BMP2K: variants seen among roughly 807,000 people sequenced by gnomAD.
BMP2K encodes BMP-2-inducible protein kinase.
BMP2K carries 74 observed loss-of-function variants against 116.0 expected under a neutral mutation model. The ratio of observed to expected loss-of-function variants is 0.64; its 90% CI spans 0.53 to 0.77. The LOEUF (loss-of-function observed/expected upper bound fraction) is 0.77, where lower values mean the gene tolerates loss of function less well. Among genes scored for constraint, BMP2K ranks in the 30% least tolerant of loss-of-function variants. The probability of loss-of-function intolerance (pLI) is 0.00; values close to 1 mark genes in which losing one functional copy is unlikely to be tolerated. For missense variants in BMP2K, 1,365 were observed against 1,403.6 expected, an observed-to-expected ratio of 0.97 and a Z score of 0.44; for synonymous variants, 486 against 502.5, an observed-to-expected ratio of 0.97 and a Z score of 0.44.
intron 10 of BMP2K, among the ~76,000 whole-genome samples, chr4:78,866,444 C>T (rs1189449224): frequency 6.6e-6 from 1 of 151,964 alleles, no homozygotes; most frequent in Non-Finnish European, 1.5e-5. Flanking sequence ...GTCTCACGAA[C>T]CTGATTTGAG....
At chr4:78,808,182 G>A (rs1044722159) in intron 1 of BMP2K, among the ~76,000 whole-genome samples, 5 of 150,764 alleles carry the variant, frequency 3.3e-5, no homozygotes, top group Admixed American at 2.0e-4. Flanking sequence ...AGCCTCCCGC[G>A]TAGCTGGGAC....
At chr4:78,785,225 C>T (rs1051982638) in intron 1 of BMP2K, among the ~76,000 whole-genome samples, 14 of 152,142 alleles carry the variant, frequency 9.2e-5, no homozygotes, top group Non-Finnish European at 2.1e-4. Flanking sequence ...ATTCTCCTGC[C>T]TCAGCCTCCC....
intron 1 of BMP2K, among the ~76,000 whole-genome samples, chr4:78,780,741 A>T (rs1727465385): frequency 6.6e-6 from 1 of 152,218 alleles, no homozygotes; most frequent in South Asian, 2.1e-4. Context: ...GTAGAGGACA[A>T]TAGTGGAGGT....
chr4:78,915,256 G>GA lies in BMP2K; in HGVS notation c.*3227dup, dbSNP rs1734944314. On this transcript the variant is annotated 3_prime_UTR_variant, in exon 16 of 16. Transcript: ENST00000502613. ...ATAGACTGTTGTCCTCTTGCTGGTGGAAAATCTAAGGTGGAGCCCACTCTT... is the reference window on the plus strand; with the variant it reads ...ATAGACTGTTGTCCTCTTGCTGGTGGAAAAATCTAAGGTGGAGCCCACTCTT... The GA allele has an allele frequency of 6.6e-6, 1 of 151,912 alleles. No homozygotes were observed. The highest frequency in any genetic ancestry group is 6.6e-5 in the Admixed American group (1 of 15,210). 9.4% of individuals were successfully genotyped at this position (151,912 alleles called of 1,614,324 possible). A position where few individuals can be genotyped will look rare whatever the true frequency, so the allele number is the denominator to read the frequency against.
At chr4:78,850,013 G>A (rs1277475209) in intron 6 of BMP2K, among the ~76,000 whole-genome samples, 1 of 151,544 alleles carries the variant, frequency 6.6e-6, no homozygotes, top group Admixed American at 6.6e-5. Context: ...GCCAAGTTTC[G>A]GTATTGCTGA....
chr4:78,793,139 C>T (rs1011182594), intron 1 of BMP2K, among the ~76,000 whole-genome samples: 10 of 151,950 alleles, frequency 6.6e-5, no homozygotes, highest in Admixed American at 2.6e-4. Context: ...AGGCCGGGTG[C>T]GGTGGCTCAA....
chr4:78,867,654 C>A (rs774788731), intron 10 of BMP2K, among the ~76,000 whole-genome samples: 73 of 152,198 alleles, frequency 4.8e-4, no homozygotes, highest in Admixed American at 1.5e-3. Flanking sequence ...GTAAATGTCT[C>A]CCTCCATTTT....
At chr4:78,838,698 A>C (rs1730611890) in intron 3 of BMP2K, among the ~76,000 whole-genome samples, 1 of 152,216 alleles carries the variant, frequency 6.6e-6, no homozygotes, top group Admixed American at 6.5e-5. Flanking sequence ...GTTCAGGGAC[A>C]TTGGCTTTTA....
chr4:78,873,257 A>G (rs1174142813), intron 13 of BMP2K, among the ~76,000 whole-genome samples: 1 of 152,226 alleles, frequency 6.6e-6, no homozygotes. Flanking sequence ...AAGATGATAT[A>G]TAGTATACAT....
chr4:78,833,352 C>T (rs1209953188), intron 2 of BMP2K, among the ~76,000 whole-genome samples: 2 of 152,010 alleles, frequency 1.3e-5, no homozygotes, highest in Non-Finnish European at 1.5e-5. Flanking sequence ...TTTCACAGTT[C>T]AATTTAAAAA....
At chr4:78,889,027 C>T (rs563724566) in intron 15 of BMP2K, among the ~76,000 whole-genome samples, 19 of 152,226 alleles carry the variant, frequency 1.2e-4, no homozygotes, top group African/African-American at 4.3e-4. Context: ...CAAGACCATC[C>T]TGGCTAACAC....
chr4:78,781,022 T>C (rs942839582), intron 1 of BMP2K, among the ~76,000 whole-genome samples: 27 of 152,080 alleles, frequency 1.8e-4, no homozygotes, highest in Non-Finnish European at 8.8e-5. Context: ...GAAGTCTCTG[T>C]GTGAGGGAAG....
At chr4:78,810,628 C>T (rs1455215006) in intron 1 of BMP2K, among the ~76,000 whole-genome samples, 2 of 152,232 alleles carry the variant, frequency 1.3e-5, no homozygotes, top group East Asian at 3.9e-4. Flanking sequence ...AAGTCTTGGG[C>T]TTTTTGGTGA....
At chr4:78,883,290 C>G (rs1473445451) in intron 14 of BMP2K, among the ~76,000 whole-genome samples, 2 of 152,012 alleles carry the variant, frequency 1.3e-5, no homozygotes, top group African/African-American at 4.8e-5. Context: ...CAAAGTAGTT[C>G]TACATAACCA....
chr4:78,814,378 C>T (rs999984558), intron 1 of BMP2K, among the ~76,000 whole-genome samples: 1 of 152,090 alleles, frequency 6.6e-6, no homozygotes, highest in Admixed American at 6.5e-5. Flanking sequence ...AAAACATTAG[C>T]CTGTTGATAT....
intron 13 of BMP2K, among the ~76,000 whole-genome samples, chr4:78,877,486 A>G (rs537105244): frequency 3.3e-5 from 5 of 152,280 alleles, no homozygotes; most frequent in African/African-American, 9.6e-5. Flanking sequence ...TGGATTGTCA[A>G]TATCACTGTC....
chr4:78,803,575 C>T (rs1443686740), intron 1 of BMP2K, among the ~76,000 whole-genome samples: 2 of 151,952 alleles, frequency 1.3e-5, no homozygotes. Flanking sequence ...GATGGGGTTT[C>T]GCCATGTTGT....
At chr4:78,831,544 C>T (rs1730204021) in intron 2 of BMP2K, among the ~76,000 whole-genome samples, 1 of 152,220 alleles carries the variant, frequency 6.6e-6, no homozygotes. Context: ...TGTCTGAATT[C>T]TGTGTTTACT....
chr4:78,850,778 A>G (rs1015565103), intron 6 of BMP2K, 146 bp from the exon 7 acceptor site: 5 of 675,328 alleles, frequency 7.4e-6, no homozygotes, highest in South Asian at 6.7e-5. Flanking sequence ...CAAAAATTAA[A>G]TATATTAATT....
Sources: gnomAD v4.1 joint callset for allele counts (sites outside exome capture counted in the v4.1 genomes callset) on GRCh38, gnomAD v4.1.1 for gene constraint, MANE v1.5 for transcripts, NCBI Gene and HGNC (gene_info 2026-07-23, HGNC 2026-07-21) for gene names.